PHLPP2: variants seen among roughly 807,000 people sequenced by gnomAD.
The protein encoded by PHLPP2 is PH domain leucine-rich repeat-containing protein phosphatase 2.
A neutral mutation model predicts 124.9 loss-of-function variants in PHLPP2; 66 were observed. That is an observed-to-expected ratio of 0.53 (90% CI 0.43 to 0.65). The LOEUF is 0.65. Among genes scored for constraint, PHLPP2 ranks in the 30% least tolerant of loss-of-function variants. The probability of loss-of-function intolerance (pLI) is 0.00; values close to 1 mark genes in which losing one functional copy is unlikely to be tolerated. For synonymous variants in PHLPP2, 681 were observed against 624.7 expected, an observed-to-expected ratio of 1.09 and a Z score of -1.34; for missense variants, 1,685 against 1,600.4, an observed-to-expected ratio of 1.05 and a Z score of -0.90.
At chr16:71,714,017 G>A (rs1412462810) in intron 2 of PHLPP2, among the ~76,000 whole-genome samples, 3 of 146,786 alleles carry the variant, frequency 2.0e-5, no homozygotes, top group Admixed American at 7.0e-5. Flanking sequence ...TCGGCTCACC[G>A]CAACCTTGGT....
In PHLPP2 at chr16:71,647,005, G is replaced by T. The variant is rs1451244907; in HGVS notation, c.*1885C>A. ...GAAGACACATAATTATTATGGACAG[G>T]TCATCTGATTTTGACTATTGCTTTG... is the stretch of plus-strand genomic sequence containing the variant. On this transcript the variant is annotated 3_prime_UTR_variant, in exon 19 of 19. Coordinates refer to ENST00000568954, the MANE Select transcript of PHLPP2 (RefSeq NM_015020.3). 6.6e-6 allele frequency: 1 copy of T among 152,508 alleles called. No homozygotes were observed. Among genetic ancestry groups the T allele is most frequent in the African/African-American group, 2.4e-5 (1 of 41,404 alleles). The allele number at this position is 152,508 out of a possible 1,614,324, so 9.4% of individuals were successfully genotyped here. A position where few individuals can be genotyped will look rare whatever the true frequency, so the allele number is the denominator to read the frequency against.
In PHLPP2 at chr16:71,708,894, T is replaced by C. The variant is rs113461599; in HGVS notation, c.284+5618A>G. Among the ~76,000 whole-genome samples, 612 of 152,180 alleles carry C rather than the reference T, an allele frequency of 4.0e-3. 2 individuals are homozygous for C. The highest frequency in any genetic ancestry group is 7.0e-3 in the Non-Finnish European group (475 of 68,002). On this transcript the variant is annotated intron_variant, in intron 2 of 18. Coordinates refer to ENST00000568954, the MANE Select transcript of PHLPP2 (RefSeq NM_015020.3). ...ATCACTTGAGCCCAGGAGGTCAAGG[T>C]TGTAGTGTGTTATGATAGGGCCTGT...
At position 71,676,433 on chromosome 16, in the gene PHLPP2, C is replaced by T; in HGVS notation, c.1471+14G>A. The T allele has an allele frequency of 1.2e-6, 2 of 1,607,244 alleles. No homozygotes were observed. Among genetic ancestry groups the T allele is most frequent in the African/African-American group, 1.3e-5 (1 of 74,876 alleles). On this transcript the variant is annotated intron_variant, in intron 9 of 18. Transcript: ENST00000568954. Reference sequence around the variant, plus strand: ...CTGAAAGAGAAAAAACAAAAGGCTGCAGAGAAAACTCACTGTTGGAACTGG... The same window carrying T: ...CTGAAAGAGAAAAAACAAAAGGCTGTAGAGAAAACTCACTGTTGGAACTGG...
At chr16:71,681,720 A>G in intron 6 of PHLPP2, 31 bp downstream of exon 6, 1 of 1,556,720 alleles carries the variant, frequency 6.4e-7, no homozygotes, top group Non-Finnish European at 8.7e-7. Flanking sequence ...TGGTTTTAAC[A>G]GGTTAGTCTG....
In PHLPP2 at chr16:71,678,176, T is replaced by A. The variant is rs565381113; in HGVS notation, c.1268+579A>T. On this transcript the variant is annotated intron_variant, in intron 8 of 18. Transcript: ENST00000568954. ...AGACCCCATCTCTATAAAAAATTTT[T>A]AAAATAAAAAATATACACTGATGGG... 7.2e-5 allele frequency: 11 copies of A among 152,180 alleles called. 1 individual carries two copies. The East Asian group carries it at 1.7e-3, about 24-fold the overall frequency. The allele number at this position is 152,180 out of a possible 1,614,324, so 9.4% of individuals were successfully genotyped here.
chr16:71,684,362 G>C, intron 5 of PHLPP2, 114 bp downstream of exon 5: 1 of 1,001,112 alleles, frequency 1.0e-6, no homozygotes, highest in South Asian at 1.5e-5. Flanking sequence ...CCAACCTCAG[G>C]TGATCCGTCC....
At chr16:71,686,337 TA>T (rs2045054832) in intron 4 of PHLPP2, among the ~76,000 whole-genome samples, 1 of 152,256 alleles carries the variant, frequency 6.6e-6, no homozygotes, top group African/African-American at 2.4e-5. Flanking sequence ...TGTTCCTGGC[TA>T]ATTTTTTATT....
At chr16:71,657,281 T>C (rs369839845) in intron 15 of PHLPP2, among the ~76,000 whole-genome samples, 2 of 152,080 alleles carry the variant, frequency 1.3e-5, no homozygotes, top group East Asian at 1.9e-4. Flanking sequence ...TTTTGTCATG[T>C]TGACCAGGCT....
rs186163652 is a variant in PHLPP2, at chr16:71,708,558, G to A, written c.285-5827C>T. Among the ~76,000 whole-genome samples the A allele has an allele frequency of 4.1e-3, 629 of 152,182 alleles. 8 individuals are homozygous for A. The highest frequency in any genetic ancestry group is 0.014 in the African/African-American group (572 of 41,508). ...ACAAAGCCTGTTTGGTGGTCTCTTC[G>A]CACGGATGTCCCTGACAAAGAGATC... On this transcript the variant is annotated intron_variant, in intron 2 of 18. Transcript: ENST00000568954.
At chr16:71,678,608 C>A in intron 8 of PHLPP2, 147 bp downstream of exon 8, 2 of 610,696 alleles carry the variant, frequency 3.3e-6, no homozygotes, top group Non-Finnish European at 5.8e-6. Context: ...CCACTGTATG[C>A]CAGCTTGGGT....
intron 18 of PHLPP2, among the ~76,000 whole-genome samples, chr16:71,651,212 C>T (rs2044693567): frequency 1.3e-5 from 2 of 152,080 alleles, no homozygotes; most frequent in South Asian, 4.1e-4. Context: ...GTGGCGCATG[C>T]CTATAGTCCC....
In PHLPP2 at chr16:71,672,317, T is replaced by A; in HGVS notation, c.1477A>T (p.Thr493Ser). 2.5e-6 allele frequency: 4 copies of A among 1,612,706 alleles called. No individual in the cohort carries two copies. The highest frequency in any genetic ancestry group is 1.1e-5 in the South Asian group (1 of 91,014). The change falls in exon 10 of 19, where the codon ACA becomes TCA. Residue 493 changes from threonine (T) to serine (S), a missense_variant. By Grantham distance (58) the Thr-to-Ser change is moderately conservative. Transcript: ENST00000568954. The part of the protein sequence containing the change: ...RTLYASSNRL[T>S]AVNVYPVPSL... Reference sequence around the variant, plus strand: ...GGTACTGGATAGACGTTCACTGCTGTCAGCCCTAATCCAAAAACAAACAGG... The same window carrying A: ...GGTACTGGATAGACGTTCACTGCTGACAGCCCTAATCCAAAAACAAACAGG...
chr16:71,657,689 C>T (rs921393820), intron 15 of PHLPP2, among the ~76,000 whole-genome samples: 12 of 152,156 alleles, frequency 7.9e-5, no homozygotes, highest in Admixed American at 3.3e-4. Context: ...CCACCGCACA[C>T]GGCCAATAAT....
chr16:71,711,908 G>A (rs192534213), intron 2 of PHLPP2, among the ~76,000 whole-genome samples: 128 of 152,314 alleles, frequency 8.4e-4, no homozygotes, highest in Non-Finnish European at 1.6e-3. Flanking sequence ...TGATTAAATA[G>A]TGAAACTGAG....
At chr16:71,721,369 T>A (rs2045397314) in intron 1 of PHLPP2, among the ~76,000 whole-genome samples, 1 of 152,132 alleles carries the variant, frequency 6.6e-6, no homozygotes, top group African/African-American at 2.4e-5. Flanking sequence ...GTAATTCCAG[T>A]GCTTTCGGAG....
At chr16:71,680,661 T>C (rs73578269) in intron 6 of PHLPP2, among the ~76,000 whole-genome samples, 341 of 152,358 alleles carry the variant, frequency 2.2e-3, no homozygotes, top group African/African-American at 7.3e-3. Context: ...TCCATGATGA[T>C]GATCTATCAC....
At chr16:71,656,416 C>T (rs1290838753) in intron 16 of PHLPP2, among the ~76,000 whole-genome samples, 155 bp downstream of exon 16, 1 of 152,210 alleles carries the variant, frequency 6.6e-6, no homozygotes, top group Non-Finnish European at 1.5e-5. Flanking sequence ...AAAACGTTAT[C>T]ATGATCCCAA....
intron 4 of PHLPP2, among the ~76,000 whole-genome samples, chr16:71,688,599 T>G (rs945397972): frequency 1.3e-5 from 2 of 149,098 alleles, no homozygotes; most frequent in African/African-American, 4.9e-5. Context: ...GTATTAAATT[T>G]CTCTGTGGGT....
chr16:71,690,322 T>A (rs1014040761), intron 4 of PHLPP2, among the ~76,000 whole-genome samples, 197 bp downstream of exon 4: 1 of 152,176 alleles, frequency 6.6e-6, no homozygotes, highest in Non-Finnish European at 1.5e-5. Context: ...GGTGGGGATG[T>A]CTTGAACAGA....
Sources: gnomAD v4.1 joint callset for allele counts (sites outside exome capture counted in the v4.1 genomes callset) on GRCh38, gnomAD v4.1.1 for gene constraint, MANE v1.5 for transcripts, NCBI Gene and HGNC (gene_info 2026-07-23, HGNC 2026-07-21) for gene names.